The following PHF20L1 variants were observed in gnomAD, a reference collection of about 807,000 sequenced individuals.
PHF20L1 encodes PHD finger protein 20-like protein 1.
PHF20L1 carries 44 observed loss-of-function variants against 125.5 expected under a neutral mutation model. The ratio of observed to expected loss-of-function variants is 0.35; its 90% CI spans 0.28 to 0.45. The LOEUF (loss-of-function observed/expected upper bound fraction) is 0.45. Among genes scored for constraint, PHF20L1 ranks in the 20% least tolerant of loss-of-function variants. PHF20L1 has a pLI of 1.00. For missense variants in PHF20L1, 1,012 were observed against 1,217.2 expected, an observed-to-expected ratio of 0.83 and a Z score of 2.51; for synonymous variants, 380 against 403.1, an observed-to-expected ratio of 0.94 and a Z score of 0.69.
chr8:132,825,253 T>C lies in PHF20L1; in HGVS notation c.1637-11T>C. On this transcript the variant is annotated splice_polypyrimidine_tract_variant and intron_variant, in intron 13 of 20. Coordinates refer to ENST00000395386, the MANE Select transcript of PHF20L1 (RefSeq NM_016018.5). ...GTCGTGATTGCTAAAGTATTCACTT[T>C]TATCTTTTAGGTAAGAGAAAAGAAA... The C allele has an allele frequency of 6.3e-7, 1 of 1,595,854 alleles. No individual in the cohort carries two copies. The highest frequency in any genetic ancestry group is 8.6e-7 in the Non-Finnish European group (1 of 1,168,366).
intron 8 of PHF20L1, chr8:132,809,233 C>T (rs567030165): frequency 6.6e-6 from 1 of 152,278 alleles, no homozygotes; most frequent in South Asian, 2.1e-4. Context: ...GCGGTGCCAT[C>T]TCGGCTCACT....
chr8:132,838,076 A>G (rs3739276), intron 17 of PHF20L1: 3,044 of 292,324 alleles, frequency 0.01, 89 homozygotes, highest in East Asian at 0.086. Context: ...CTTAGTGAGG[A>G]CTCACTGTAC....
intron 17 of PHF20L1, chr8:132,838,725 A>G (rs560901788): frequency 7.2e-5 from 11 of 152,278 alleles, no homozygotes; most frequent in South Asian, 2.1e-4. Context: ...TCATTCACCA[A>G]CATTTATAGT....
intron 7 of PHF20L1, 68 bp from the exon 8 acceptor site, chr8:132,804,547 G>C: frequency 3.9e-6 from 5 of 1,268,274 alleles, no homozygotes; most frequent in Non-Finnish European, 5.6e-6. Context: ...CTATTTTGCT[G>C]TTAAAAAATC....
chr8:132,802,024 T>A (rs1346574869), intron 6 of PHF20L1, among the ~76,000 whole-genome samples: 3 of 151,690 alleles, frequency 2.0e-5, no homozygotes, highest in African/African-American at 7.2e-5. Context: ...GATTAAATGC[T>A]CTACTCTTAA....
chr8:132,801,138 AT>A (rs1169820379), intron 6 of PHF20L1, among the ~76,000 whole-genome samples: 1 of 151,616 alleles, frequency 6.6e-6, no homozygotes, highest in Non-Finnish European at 1.5e-5. Context: ...GAGCCATTAT[AT>A]TTTTAATTTG....
Position 132,835,357 on chromosome 8 carries a change from A to ACACAC in PHF20L1, c.1910-1179_1910-1178insCCACA, listed in dbSNP as rs566980506. On this transcript the variant is annotated intron_variant, in intron 15 of 20. Transcript: ENST00000395386. Reference sequence around the variant, plus strand: ...GCTGATTAGCCTCTGTCAGGAGCTCACACAGCATTATACGATGTTCTGTTT... The same window carrying ACACAC: ...GCTGATTAGCCTCTGTCAGGAGCTCACACACCACAGCATTATACGATGTTCTGTTT... Among the ~76,000 whole-genome samples the ACACAC allele has an allele frequency of 2.6e-4, 39 of 152,282 alleles. No homozygotes were observed. In the South Asian group the frequency reaches 3.1e-3, roughly 12 times the overall value.
chr8:132,788,239 C>T (rs1314675825), intron 2 of PHF20L1, among the ~76,000 whole-genome samples: 1 of 151,918 alleles, frequency 6.6e-6, no homozygotes, highest in African/African-American at 2.4e-5. Context: ...GATTCTTTTT[C>T]TTTGTTGAAT....
At chr8:132,786,598 G>T (rs1831060812) in intron 2 of PHF20L1, among the ~76,000 whole-genome samples, 1 of 152,068 alleles carries the variant, frequency 6.6e-6, no homozygotes, top group Non-Finnish European at 1.5e-5. Flanking sequence ...GTTGCAAGAT[G>T]CAGAATCTGT....
intron 5 of PHF20L1, 54 bp from the exon 6 acceptor site, chr8:132,799,041 T>C (rs769471526): frequency 9.7e-5 from 142 of 1,463,864 alleles, no homozygotes; most frequent in Non-Finnish European, 1.3e-4. Context: ...CATTTGATTT[T>C]TGCTTCTTTG....
At chr8:132,792,102 A>T (rs1225475348) in intron 2 of PHF20L1, among the ~76,000 whole-genome samples, 1 of 152,202 alleles carries the variant, frequency 6.6e-6, no homozygotes, top group African/African-American at 2.4e-5. Context: ...TTAGAATATG[A>T]GGGAACCTAA....
At chr8:132,822,850 T>A (rs1352266725) in intron 12 of PHF20L1, among the ~76,000 whole-genome samples, 1 of 151,948 alleles carries the variant, frequency 6.6e-6, no homozygotes, top group Admixed American at 6.6e-5. Context: ...AAATTTCAGA[T>A]TTTTTGATAC....
chr8:132,807,543 C>T, intron 8 of PHF20L1: 1 of 302,126 alleles, frequency 3.3e-6, no homozygotes, highest in African/African-American at 2.2e-5. Context: ...TTGAATTGAC[C>T]AGTAGTATGT....
Position 132,846,160 on chromosome 8 carries a change from G to A in PHF20L1, c.*237G>A, listed in dbSNP as rs954808646. ...AAATGAGAATGTGTTATATGCCAAG[G>A]AACAATGAAGTAGAATATAATGTAT... On this transcript the variant is annotated 3_prime_UTR_variant, in exon 21 of 21. Transcript: ENST00000395386. 9.7e-6 allele frequency: 4 copies of A among 411,524 alleles called. No individual in the cohort carries two copies. The highest frequency in any genetic ancestry group is 7.3e-5 in the Admixed American group (2 of 27,240). The allele number at this position is 411,524 out of a possible 1,614,324, so 25.5% of individuals were successfully genotyped here.
At chr8:132,820,997 T>C (rs1563829652) in intron 12 of PHF20L1, among the ~76,000 whole-genome samples, 1 of 151,912 alleles carries the variant, frequency 6.6e-6, no homozygotes, top group Non-Finnish European at 1.5e-5. Context: ...CAAGGAGCAT[T>C]TTCCTGTTTT....
In PHF20L1 at chr8:132,776,181, C is replaced by G. The variant is rs535279802; in HGVS notation, c.-38+536C>G. Among the ~76,000 whole-genome samples, 6 of 152,240 alleles carry G rather than the reference C, an allele frequency of 3.9e-5. No individual in the cohort carries two copies. In the East Asian group the frequency reaches 1.2e-3, roughly 29 times the overall value. ...TTATGAAAGTTCCTTAATTCAAATC[C>G]CTCTTCATCCTTCCCTCTTCGAACC... On this transcript the variant is annotated intron_variant, in intron 1 of 20. Transcript: ENST00000395386.
chr8:132,838,432 G>T (rs1837599430), intron 17 of PHF20L1: 1 of 152,498 alleles, frequency 6.6e-6, no homozygotes, highest in Admixed American at 6.5e-5. Context: ...TACTGATGAG[G>T]CAGACTGAGA....
chr8:132,798,113 T>C (rs748467171), intron 4 of PHF20L1, among the ~76,000 whole-genome samples: 19 of 152,040 alleles, frequency 1.2e-4, no homozygotes, highest in Admixed American at 2.0e-4. Flanking sequence ...GGGAAAGACA[T>C]GGATGACCAG....
chr8:132,818,479 G>A (rs911680797), intron 12 of PHF20L1: 2 of 151,864 alleles, frequency 1.3e-5, no homozygotes, highest in Non-Finnish European at 2.9e-5. Context: ...GTGATGGCAT[G>A]TATTGAAATA....
Sources: gnomAD v4.1 joint callset for allele counts (sites outside exome capture counted in the v4.1 genomes callset) on GRCh38, gnomAD v4.1.1 for gene constraint, MANE v1.5 for transcripts, NCBI Gene and HGNC (gene_info 2026-07-23, HGNC 2026-07-21) for gene names.